Variants in OGDH observed in about 807,000 individuals in gnomAD.
OGDH encodes 2-oxoglutarate dehydrogenase complex component E1.
OGDH carries 38 observed loss-of-function variants against 116.6 expected under a neutral mutation model. The observed-to-expected ratio is 0.33, with a 90% CI of 0.25 to 0.43. The LOEUF is 0.43. Ranked by LOEUF, OGDH falls within the 20% of genes least tolerant of loss-of-function variation. OGDH has a pLI of 1.00. For synonymous variants in OGDH, 488 were observed against 533.3 expected, an observed-to-expected ratio of 0.92 and a Z score of 1.17; for missense variants, 825 against 1,357.2, an observed-to-expected ratio of 0.61 and a Z score of 6.16.
intron 4 of OGDH, among the ~76,000 whole-genome samples, chr7:44,664,576 A>T (rs1787096936): frequency 1.3e-5 from 2 of 152,122 alleles, no homozygotes; most frequent in Admixed American, 1.3e-4. Context: ...CAGGTCTGCA[A>T]TATTTGAAGC....
intron 14 of OGDH, 21 bp from the exon 15 acceptor site, chr7:44,696,893 G>A (rs979445945): frequency 6.3e-7 from 1 of 1,591,730 alleles, no homozygotes; most frequent in Non-Finnish European, 8.6e-7. Context: ...GCAGCAGCTG[G>A]TGAGAGCTGT....
intron 4 of OGDH, among the ~76,000 whole-genome samples, chr7:44,653,921 C>G (rs1187429019): frequency 1.3e-5 from 2 of 152,012 alleles, no homozygotes; most frequent in African/African-American, 2.4e-5. Flanking sequence ...GTGGCAGGAT[C>G]TCAGCTCACT....
intron 2 of OGDH, among the ~76,000 whole-genome samples, chr7:44,642,394 A>G (rs1785982851): frequency 6.6e-6 from 1 of 152,204 alleles, no homozygotes; most frequent in South Asian, 2.1e-4. Flanking sequence ...AGTCTACTCC[A>G]GCCTGGGCAG....
At chr7:44,633,258 A>C (rs1324693613) in intron 2 of OGDH, among the ~76,000 whole-genome samples, 1 of 150,802 alleles carries the variant, frequency 6.6e-6, no homozygotes, top group Non-Finnish European at 1.5e-5. Context: ...GTGTCAAAAA[A>C]AAAAAAAAAA....
At chr7:44,695,242 C>T (rs890702531) in intron 12 of OGDH, among the ~76,000 whole-genome samples, 2 of 152,026 alleles carry the variant, frequency 1.3e-5, no homozygotes, top group African/African-American at 4.8e-5. Flanking sequence ...ATTACAGGTG[C>T]GAGCCACCAC....
rs370427700 is a variant in OGDH, at chr7:44,674,630, C to T, written c.935+73C>T. 126 of 1,539,616 alleles carry T rather than the reference C, an allele frequency of 8.2e-5. No individual in the cohort carries two copies. The African/African-American group carries it at 1.6e-3, about 19-fold the overall frequency. The stretch of plus-strand genomic sequence containing the variant: ...CTGTGTAGGAGGCACCAGGTAAAGG[C>T]ACTGAGAGAGCAGCTGTTTCCTCCT... On this transcript the variant is annotated intron_variant, in intron 7 of 22. Coordinates refer to ENST00000222673, the MANE Select transcript of OGDH (RefSeq NM_002541.4).
intron 2 of OGDH, among the ~76,000 whole-genome samples, chr7:44,637,818 CAA>C (rs59064314): frequency 1.7e-4 from 20 of 117,850 alleles, no homozygotes; most frequent in African/African-American, 3.7e-4. Context: ...GACTCTGTCT[CAA>C]AAAAAAAAAA....
chr7:44,688,164 A>C (rs1433525866), intron 10 of OGDH, among the ~76,000 whole-genome samples: 1 of 152,036 alleles, frequency 6.6e-6, no homozygotes, highest in African/African-American at 2.4e-5. Flanking sequence ...TGAGGTCAGG[A>C]GTTCAAGACC....
At chr7:44,675,482 G>C (rs933029286) in intron 8 of OGDH, among the ~76,000 whole-genome samples, 2 of 152,208 alleles carry the variant, frequency 1.3e-5, no homozygotes, top group Admixed American at 1.3e-4. Flanking sequence ...GAGTGCAGGG[G>C]TGTGTCCCCT....
intron 4 of OGDH, among the ~76,000 whole-genome samples, chr7:44,650,926 C>T (rs1156426311): frequency 6.6e-6 from 1 of 152,222 alleles, no homozygotes; most frequent in Non-Finnish European, 1.5e-5. Context: ...AGCCGCCCTT[C>T]CCACCTCCCT....
chr7:44,684,274 A>C (rs573890063), intron 10 of OGDH, among the ~76,000 whole-genome samples: 389 of 152,302 alleles, frequency 2.6e-3, no homozygotes, highest in Non-Finnish European at 4.5e-3. Context: ...AAGTGATGAG[A>C]TACTGGTTGG....
intron 1 of OGDH, among the ~76,000 whole-genome samples, chr7:44,613,905 C>T (rs1784666637): frequency 6.8e-6 from 1 of 146,582 alleles, no homozygotes; most frequent in Non-Finnish European, 1.5e-5. Context: ...CTCTCAGGTT[C>T]AAGTGATTCT....
intron 5 of OGDH, among the ~76,000 whole-genome samples, chr7:44,667,792 A>G (rs139925177): frequency 6.6e-6 from 1 of 152,296 alleles, no homozygotes; most frequent in Non-Finnish European, 1.5e-5. Context: ...ATTCAGAGCT[A>G]AAGGATCGAG....
At chr7:44,705,538 T>G (rs1444825709) in intron 20 of OGDH, among the ~76,000 whole-genome samples, 33 of 152,198 alleles carry the variant, frequency 2.2e-4, no homozygotes, top group Admixed American at 2.1e-3. Flanking sequence ...TAATTTGTTT[T>G]GTTTTTTATT....
chr7:44,678,082 A>G (rs1194336642), intron 9 of OGDH, among the ~76,000 whole-genome samples: 1 of 152,072 alleles, frequency 6.6e-6, no homozygotes, highest in Non-Finnish European at 1.5e-5. Context: ...AGGGACGCAG[A>G]GGTCATTCCA....
intron 10 of OGDH, among the ~76,000 whole-genome samples, chr7:44,685,824 A>G (rs1454158597): frequency 2.7e-5 from 4 of 150,658 alleles, no homozygotes; most frequent in Non-Finnish European, 4.4e-5. Flanking sequence ...GGGTCTCTCT[A>G]TGTTGCCCAG....
At chr7:44,608,297 A>G (rs1562602631) in intron 1 of OGDH, among the ~76,000 whole-genome samples, 2 of 151,976 alleles carry the variant, frequency 1.3e-5, no homozygotes, top group African/African-American at 2.4e-5. Context: ...AGTCGCAACT[A>G]CTCAGGAGGC....
At chr7:44,636,848 G>A (rs984205392) in intron 2 of OGDH, among the ~76,000 whole-genome samples, 3 of 152,046 alleles carry the variant, frequency 2.0e-5, no homozygotes, top group Non-Finnish European at 2.9e-5. Context: ...ATTATTTACC[G>A]CTGAAATCTA....
rs374933307 is a variant in OGDH, at chr7:44,645,538, C to T, written c.414+20C>T. On this transcript the variant is annotated intron_variant, in intron 3 of 22. Transcript: ENST00000222673. The stretch of plus-strand genomic sequence containing the variant: ...TATCAGGTAAGGCGGGTGCTTTACC[C>T]GCACACGGGAAAGGGTGCAGTGTTC... 375 of 1,609,676 alleles carry T rather than the reference C, an allele frequency of 2.3e-4. 3 individuals carry two copies. Among genetic ancestry groups the T allele is most frequent in the South Asian group, 1.8e-3 (161 of 90,888 alleles).
Sources: allele counts gnomAD v4.1 joint callset (sites outside exome capture counted in the v4.1 genomes callset), GRCh38; gene constraint gnomAD v4.1.1; transcripts MANE v1.5; gene names NCBI Gene and HGNC (gene_info 2026-07-23, HGNC 2026-07-21).